The following GRID2 variants were observed in gnomAD, a reference collection of about 807,000 sequenced individuals.
The protein encoded by GRID2 is glutamate receptor ionotropic, delta-2.
In GRID2, 33 loss-of-function variants were observed where a neutral mutation model predicts 114.8. That is an observed-to-expected ratio of 0.29 (90% confidence interval 0.22 to 0.38). GRID2 has a LOEUF of 0.38. Ranked by LOEUF, GRID2 falls within the 10% of genes least tolerant of loss-of-function variation. The pLI is 1.00. For synonymous variants in GRID2, 505 were observed against 449.9 expected (o/e 1.12, Z -1.55); for missense variants, 1,184 against 1,257.7 (o/e 0.94, Z 0.89).
rs564884103 is a variant in GRID2, at chr4:92,336,221, T to C, written c.88+31477T>C. On this transcript the variant is annotated intron_variant, in intron 1 of 15. Transcript: ENST00000282020. ...ACCATAATCTTCATATATTTAGAAC[T>C]GATATCCTTTTCTAACCCCTTTTTC... is the stretch of plus-strand genomic sequence containing the variant. Among the ~76,000 whole-genome samples the C allele has an allele frequency of 2.0e-5, 3 of 152,300 alleles. No individual in the cohort carries two copies. The East Asian group carries it at 5.8e-4, about 29-fold the overall frequency.
chr4:93,010,069 G>T (rs949356362), intron 2 of GRID2, among the ~76,000 whole-genome samples: 3 of 152,042 alleles, frequency 2.0e-5, no homozygotes, highest in African/African-American at 7.2e-5. Flanking sequence ...GCAGTCAGAT[G>T]GAAAGGAGAA....
At chr4:92,337,974 A>G (rs1380966078) in intron 1 of GRID2, among the ~76,000 whole-genome samples, 1 of 152,132 alleles carries the variant, frequency 6.6e-6, no homozygotes, top group Non-Finnish European at 1.5e-5. Context: ...GTGTCTGTGT[A>G]TAAGTGCACA....
rs1405201449 is a variant in GRID2, at chr4:93,329,673, G to C, written c.1246-65934G>C. Among the ~76,000 whole-genome samples, 4 of 152,082 alleles carry C rather than the reference G, an allele frequency of 2.6e-5. No homozygotes were observed. In the East Asian group the frequency reaches 5.8e-4, roughly 22 times the overall value. On this transcript the variant is annotated intron_variant, in intron 8 of 15. Coordinates refer to ENST00000282020, the MANE Select transcript of GRID2 (RefSeq NM_001510.4). ...CTGCAACAGTCACAGTAAAAATTTA[G>C]AATTAACAACAGTTAAATCTCAAGA... is the stretch of plus-strand genomic sequence containing the variant.
At chr4:92,382,981 C>T (rs1370340878) in intron 1 of GRID2, among the ~76,000 whole-genome samples, 1 of 151,912 alleles carries the variant, frequency 6.6e-6, no homozygotes, top group African/African-American at 2.4e-5. Flanking sequence ...TGCTTGGCTC[C>T]TGGGAAGGTC....
intron 13 of GRID2, among the ~76,000 whole-genome samples, chr4:93,535,216 A>G (rs1440378086): frequency 1.6e-5 from 2 of 124,076 alleles, no homozygotes; most frequent in African/African-American, 3.3e-5. Context: ...TCCATTTTAT[A>G]CACACACATA....
chr4:92,725,829 A>T (rs1736040936), intron 2 of GRID2, among the ~76,000 whole-genome samples: 3 of 152,196 alleles, frequency 2.0e-5, no homozygotes, highest in Admixed American at 6.6e-5. Flanking sequence ...GAAAGCAAAC[A>T]TACATCTAAT....
At chr4:92,672,534 G>T (rs1193189824) in intron 2 of GRID2, among the ~76,000 whole-genome samples, 1 of 151,754 alleles carries the variant, frequency 6.6e-6, no homozygotes, top group East Asian at 1.9e-4. Flanking sequence ...CTAATAATGG[G>T]GTCTTGTCTT....
chr4:92,690,049 A>C (rs1734101830), intron 2 of GRID2, among the ~76,000 whole-genome samples: 1 of 151,972 alleles, frequency 6.6e-6, no homozygotes, highest in South Asian at 2.1e-4. Flanking sequence ...TCATATGTTT[A>C]CTGGAGTCAC....
At position 93,490,701 on chromosome 4, in the gene GRID2, G is replaced by A; in HGVS notation, c.1921G>A (p.Ala641Thr). The A allele has an allele frequency of 6.2e-7, 1 of 1,610,538 alleles. No homozygotes were observed. Among genetic ancestry groups the A allele is most frequent in the East Asian group, 2.2e-5 (1 of 44,762 alleles). The change falls in exon 12 of 16, where the codon GCT becomes ACT. Residue 641 changes from alanine (A) to threonine (T), a missense_variant. This residue lies in a region of GRID2 where 717 missense variants were observed against 796.9 expected (regional missense o/e 0.90). Transcript: ENST00000282020. ...RMMMGAWWLF[A>T]LIVISSYTAN... Reference sequence around the variant, plus strand: ...GATGATGGGGGCTTGGTGGCTATTTGCTTTGATTGTTATCTCATCTTACAC... The same window carrying A: ...GATGATGGGGGCTTGGTGGCTATTTACTTTGATTGTTATCTCATCTTACAC...
At chr4:92,449,460 T>G (rs1404800492) in intron 1 of GRID2, among the ~76,000 whole-genome samples, 2 of 151,588 alleles carry the variant, frequency 1.3e-5, no homozygotes, top group Non-Finnish European at 3.0e-5. Context: ...AGTTGAAAAT[T>G]TTTTTCCATG....
intron 4 of GRID2, among the ~76,000 whole-genome samples, chr4:93,205,362 G>A (rs1742598915): frequency 3.3e-5 from 5 of 152,070 alleles, no homozygotes; most frequent in Admixed American, 1.3e-4. Flanking sequence ...CCGTGTCCAT[G>A]TGTTCTCATT....
intron 2 of GRID2, among the ~76,000 whole-genome samples, chr4:92,983,899 T>C (rs897174303): frequency 1.4e-4 from 21 of 152,216 alleles, no homozygotes; most frequent in African/African-American, 4.6e-4. Flanking sequence ...AGTGAACTAA[T>C]AGAAAACAAA....
At chr4:92,439,649 A>T (rs915542347) in intron 1 of GRID2, among the ~76,000 whole-genome samples, 7 of 144,694 alleles carry the variant, frequency 4.8e-5, no homozygotes, top group South Asian at 2.4e-4. Flanking sequence ...ATGATTGGTG[A>T]TGGCCTGGAT....
chr4:92,541,529 G>T (rs1385683817), intron 1 of GRID2, among the ~76,000 whole-genome samples: 1 of 151,444 alleles, frequency 6.6e-6, no homozygotes, highest in Non-Finnish European at 1.5e-5. Flanking sequence ...TTTTTCACAG[G>T]CAAATTTATA....
In GRID2 at chr4:92,355,109, C is replaced by T. The variant is rs1008190815; in HGVS notation, c.88+50365C>T. On this transcript the variant is annotated intron_variant, in intron 1 of 15. Coordinates refer to ENST00000282020, the MANE Select transcript of GRID2 (RefSeq NM_001510.4). ...CTTTTCTAATCATCAATATATGATG[C>T]TGTTTTTTGAAATGTATTTGTTTTC... Among the ~76,000 whole-genome samples, 19 of 151,996 alleles carry T rather than the reference C, an allele frequency of 1.3e-4. 1 individual carries two copies. Among genetic ancestry groups the T allele is most frequent in the Admixed American group, 1.2e-3 (19 of 15,208 alleles).
intron 2 of GRID2, among the ~76,000 whole-genome samples, chr4:92,674,318 A>G (rs1288142988): frequency 6.6e-6 from 1 of 151,712 alleles, no homozygotes. Flanking sequence ...TTATTTATGT[A>G]TTTATTTTTT....
intron 8 of GRID2, among the ~76,000 whole-genome samples, chr4:93,267,092 C>CCATTGTTG (rs1750922254): frequency 6.6e-6 from 1 of 151,924 alleles, no homozygotes. Flanking sequence ...CCAGTTTCAT[C>CCATTGTTG]CATGTTGCTG....
chr4:93,518,408 A>T (rs1377611085), intron 13 of GRID2, among the ~76,000 whole-genome samples: 2 of 152,032 alleles, frequency 1.3e-5, no homozygotes, highest in Non-Finnish European at 2.9e-5. Flanking sequence ...TTTAACCAAG[A>T]TCTTTTGCAT....
chr4:93,238,806 G>A (rs912163349), intron 8 of GRID2, among the ~76,000 whole-genome samples: 1 of 151,546 alleles, frequency 6.6e-6, no homozygotes, highest in Non-Finnish European at 1.5e-5. Flanking sequence ...TATACACTTT[G>A]TAGCTGCTTG....
Sources: allele counts gnomAD v4.1 joint callset (sites outside exome capture counted in the v4.1 genomes callset), GRCh38; gene constraint gnomAD v4.1.1; regional missense constraint gnomAD v4.1.1; transcripts MANE v1.5; gene names NCBI Gene and HGNC (gene_info 2026-07-23, HGNC 2026-07-21).